Variants in PTPRQ observed in about 807,000 individuals in gnomAD.
The protein encoded by PTPRQ is phosphatidylinositol phosphatase PTPRQ.
Under a neutral mutation model 246.0 loss-of-function variants are expected in PTPRQ, and 199 were observed. The ratio of observed to expected loss-of-function variants is 0.81; its 90% CI spans 0.72 to 0.91. The LOEUF (loss-of-function observed/expected upper bound fraction) is 0.91. Ranked by LOEUF, PTPRQ falls within the 40% of genes least tolerant of loss-of-function variation. PTPRQ has a pLI of 0.00. For synonymous variants in PTPRQ, 869 were observed against 853.2 expected, an observed-to-expected ratio of 1.02 and a Z score of -0.32; for missense variants, 2,624 against 2,528.4, an observed-to-expected ratio of 1.04 and a Z score of -0.81.
At chr12:80,463,947 A>C (rs1055476409) in intron 6 of PTPRQ, among the ~76,000 whole-genome samples, 1 of 152,082 alleles carries the variant, frequency 6.6e-6, no homozygotes, top group Non-Finnish European at 1.5e-5. Context: ...GACTAAGAAG[A>C]AACTGCATCA....
chr12:80,675,493 T>A (rs1901106482), intron 43 of PTPRQ, among the ~76,000 whole-genome samples: 2 of 152,188 alleles, frequency 1.3e-5, no homozygotes, highest in Admixed American at 1.3e-4. Flanking sequence ...GGTGTACACA[T>A]AGACACTGGG....
chr12:80,562,597 A>T (rs1896859756), intron 25 of PTPRQ, among the ~76,000 whole-genome samples: 1 of 152,188 alleles, frequency 6.6e-6, no homozygotes, highest in African/African-American at 2.4e-5. Flanking sequence ...AATTGAAATG[A>T]AAATTCAACA....
intron 25 of PTPRQ, among the ~76,000 whole-genome samples, chr12:80,566,752 CT>C (rs1238958042): frequency 2.6e-5 from 4 of 152,098 alleles, no homozygotes; most frequent in Non-Finnish European, 5.9e-5. Context: ...GTTGCCTAGG[CT>C]GGTCTCAAAC....
In PTPRQ at chr12:80,495,338, A is replaced by G. The variant is rs1894581680; in HGVS notation, c.1849A>G (p.Ile617Val). 1 of 1,529,396 alleles carries G rather than the reference A, an allele frequency of 6.5e-7. No individual in the cohort carries two copies. The highest frequency in any genetic ancestry group is 1.3e-5 in the South Asian group (1 of 78,590). 94.7% of individuals were successfully genotyped at this position (1,529,396 alleles called of 1,614,324 possible). ...MELDTNRAFQ[I>V]TTIDNSFLIT... ...ATTGGATACAAACAGAGCATTCCAGATAACTACCATAGATAACAGCTTTCT... is the reference window on the plus strand; with the variant it reads ...ATTGGATACAAACAGAGCATTCCAGGTAACTACCATAGATAACAGCTTTCT... The change falls in exon 12 of 45, where the codon ATA (isoleucine) becomes GTA (valine). Residue 617 changes from isoleucine (I) to valine (V), a missense_variant. Physicochemically the swap from Ile to Val is conservative, Grantham distance 29. Coordinates refer to ENST00000644991, the MANE Select transcript of PTPRQ (RefSeq NM_001145026.2).
intron 3 of PTPRQ, among the ~76,000 whole-genome samples, chr12:80,452,217 G>A (rs1348713844): frequency 6.8e-6 from 1 of 146,202 alleles, no homozygotes; most frequent in Non-Finnish European, 1.5e-5. Context: ...CATTTGCTTG[G>A]TAGATCTTCC....
chr12:80,626,780 C>T (rs549689345), intron 33 of PTPRQ, among the ~76,000 whole-genome samples: 3 of 152,306 alleles, frequency 2.0e-5, no homozygotes, highest in African/African-American at 7.2e-5. Flanking sequence ...CACAACCTAT[C>T]TTTGCTGTAC....
chr12:80,536,210 C>T (rs761783538), intron 19 of PTPRQ, among the ~76,000 whole-genome samples: 4 of 152,166 alleles, frequency 2.6e-5, no homozygotes, highest in Non-Finnish European at 5.9e-5. Context: ...TTAGGTGATT[C>T]TTAATTATTT....
chr12:80,492,770 G>A (rs1894488045), intron 9 of PTPRQ, among the ~76,000 whole-genome samples: 1 of 151,904 alleles, frequency 6.6e-6, no homozygotes, highest in African/African-American at 2.4e-5. Context: ...ATATTACCAT[G>A]TAGTTTTATT....
At chr12:80,652,229 C>A (rs368172910) in intron 37 of PTPRQ, among the ~76,000 whole-genome samples, 1 of 152,048 alleles carries the variant, frequency 6.6e-6, no homozygotes. Flanking sequence ...TCTGATAATT[C>A]TTAATTGCAC....
chr12:80,653,200 G>A (rs565550640), intron 38 of PTPRQ, among the ~76,000 whole-genome samples: 2 of 152,214 alleles, frequency 1.3e-5, no homozygotes, highest in Admixed American at 1.3e-4. Context: ...TCCCTTCACA[G>A]CATAGCAGTG....
chr12:80,619,409 A>G lies in PTPRQ; in HGVS notation c.5256A>G (p.Pro1752=). 6.5e-7 allele frequency: 1 copy of G among 1,547,828 alleles called. No individual in the cohort carries two copies. The highest frequency in any genetic ancestry group is 8.7e-7 in the Non-Finnish European group (1 of 1,144,578). Residue 1752 remains proline (P), a synonymous_variant, in exon 31 of 45, where the codon CCA becomes CCG. Coordinates refer to ENST00000644991, the MANE Select transcript of PTPRQ (RefSeq NM_001145026.2). The stretch of plus-strand genomic sequence containing the variant: ...CTCCAGCACGACCAAAAACCAAACC[A>G]ACCCCTATTTATGATGCCACAGGAA... The part of the protein sequence containing the change: ...IKAPARPKTK[P]TPIYDATGKL...
At chr12:80,615,059 T>C (rs1281240688) in intron 29 of PTPRQ, among the ~76,000 whole-genome samples, 1 of 151,030 alleles carries the variant, frequency 6.6e-6, no homozygotes, top group African/African-American at 2.4e-5. Context: ...TAACAAGGTG[T>C]GCGAATGACT....
At chr12:80,543,644 T>G (rs1055746252) in intron 23 of PTPRQ, among the ~76,000 whole-genome samples, 1 of 152,154 alleles carries the variant, frequency 6.6e-6, no homozygotes, top group Non-Finnish European at 1.5e-5. Flanking sequence ...GTATTACAAT[T>G]TATGACTATG....
intron 25 of PTPRQ, chr12:80,584,172 C>T (rs1358740597): frequency 6.6e-6 from 1 of 152,036 alleles, no homozygotes; most frequent in Non-Finnish European, 1.5e-5. Context: ...TCCATCTGTA[C>T]CTAGATCAGT....
chr12:80,622,357 C>T (rs1565824555), intron 33 of PTPRQ, among the ~76,000 whole-genome samples: 1 of 152,136 alleles, frequency 6.6e-6, no homozygotes, highest in East Asian at 1.9e-4. Flanking sequence ...CTCATCTTAA[C>T]TATCCTTTAA....
At chr12:80,526,849 T>A (rs1438357221) in intron 17 of PTPRQ, among the ~76,000 whole-genome samples, 1 of 152,076 alleles carries the variant, frequency 6.6e-6, no homozygotes, top group Admixed American at 6.6e-5. Context: ...ATTAATGTGG[T>A]GATCAGATAT....
intron 37 of PTPRQ, among the ~76,000 whole-genome samples, chr12:80,650,634 C>A (rs549942274): frequency 2.2e-4 from 34 of 151,750 alleles, no homozygotes; most frequent in African/African-American, 8.0e-4. Flanking sequence ...TTTCCTGCAG[C>A]CTTTTGGTTA....
chr12:80,536,224 TC>T (rs1039668163), intron 19 of PTPRQ, among the ~76,000 whole-genome samples: 2 of 152,270 alleles, frequency 1.3e-5, no homozygotes, highest in African/African-American at 4.8e-5. Flanking sequence ...ATTATTTCTA[TC>T]CTTTTAAGTA....
At chr12:80,622,888 T>A (rs1031468296) in intron 33 of PTPRQ, among the ~76,000 whole-genome samples, 1 of 151,876 alleles carries the variant, frequency 6.6e-6, no homozygotes, top group African/African-American at 2.4e-5. Context: ...ATTTTTAAAG[T>A]TTAATAGCTT....
Sources: allele counts gnomAD v4.1 joint callset (sites outside exome capture counted in the v4.1 genomes callset), GRCh38; gene constraint gnomAD v4.1.1; transcripts MANE v1.5; gene names NCBI Gene and HGNC (gene_info 2026-07-23, HGNC 2026-07-21).